Variants in PTPRT observed in about 807,000 individuals in gnomAD.
The protein encoded by PTPRT is receptor-type tyrosine-protein phosphatase T.
In PTPRT, 56 loss-of-function variants were observed where a neutral mutation model predicts 176.8. The observed-to-expected ratio is 0.32, with a 90% CI of 0.26 to 0.40. The LOEUF (loss-of-function observed/expected upper bound fraction) is 0.40. PTPRT is among the 10% of genes least tolerant of loss of function. The probability of loss-of-function intolerance (pLI) is 1.00; values close to 1 mark genes in which losing one functional copy is unlikely to be tolerated. For missense variants in PTPRT, 1,540 were observed against 1,908.2 expected (o/e 0.81, Z 3.60); for synonymous variants, 783 against 739.0 (o/e 1.06, Z -0.96).
At chr20:42,993,508 A>ATGTG in intron 1 of PTPRT, among the ~76,000 whole-genome samples, 1 of 113,022 alleles carries the variant, frequency 8.8e-6, no homozygotes, top group South Asian at 2.3e-4. Flanking sequence ...ATACACATAT[A>ATGTG]TGTGTGTGTA....
chr20:42,975,950 TTAGA>T (rs1399950314), intron 1 of PTPRT, among the ~76,000 whole-genome samples: 2 of 151,812 alleles, frequency 1.3e-5, no homozygotes, highest in Non-Finnish European at 2.9e-5. Flanking sequence ...AGAGAACATC[TTAGA>T]TAGGGTCATG....
chr20:42,239,207 G>A (rs1446553887), intron 14 of PTPRT, among the ~76,000 whole-genome samples: 2 of 152,024 alleles, frequency 1.3e-5, no homozygotes, highest in African/African-American at 2.4e-5. Flanking sequence ...TACTTATTCA[G>A]CACTTACTGT....
chr20:42,524,971 T>C (rs1471415848), intron 7 of PTPRT, among the ~76,000 whole-genome samples: 1 of 152,176 alleles, frequency 6.6e-6, no homozygotes, highest in African/African-American at 2.4e-5. Flanking sequence ...TCCTCAACAT[T>C]TGGTGTTCTC....
intron 1 of PTPRT, among the ~76,000 whole-genome samples, chr20:43,155,547 G>A (rs1241153110): frequency 6.6e-6 from 1 of 152,160 alleles, no homozygotes; most frequent in Non-Finnish European, 1.5e-5. Context: ...GAGAGGATGG[G>A]GGATGGTGGC....
intron 1 of PTPRT, among the ~76,000 whole-genome samples, chr20:42,967,349 C>T (rs141856356): frequency 1.3e-5 from 2 of 152,178 alleles, no homozygotes; most frequent in African/African-American, 4.8e-5. Context: ...CCAAGGTGGG[C>T]CCTAAATCCA....
At chr20:42,511,185 A>T (rs1234260553) in intron 7 of PTPRT, among the ~76,000 whole-genome samples, 1 of 152,130 alleles carries the variant, frequency 6.6e-6, no homozygotes, top group East Asian at 1.9e-4. Flanking sequence ...TACCCTCTGA[A>T]CCTCAGACTT....
At chr20:42,348,043 T>A (rs951257047) in intron 11 of PTPRT, among the ~76,000 whole-genome samples, 3 of 152,214 alleles carry the variant, frequency 2.0e-5, no homozygotes, top group African/African-American at 7.2e-5. Context: ...CTAAACATAC[T>A]AAGTGTTCAA....
In PTPRT at chr20:42,078,622, C is replaced by T. The variant is rs1170078876; in HGVS notation, c.*2257G>A. 5.5e-6 allele frequency: 1 copy of T among 182,280 alleles called. No individual in the cohort carries two copies. Among genetic ancestry groups the T allele is most frequent in the African/African-American group, 2.4e-5 (1 of 42,460 alleles). 11.3% of individuals were successfully genotyped at this position (182,280 alleles called of 1,614,324 possible). A position where few individuals can be genotyped will look rare whatever the true frequency, so the allele number is the denominator to read the frequency against. On this transcript the variant is annotated 3_prime_UTR_variant, in exon 31 of 31. Coordinates refer to ENST00000373187, the MANE Select transcript of PTPRT (RefSeq NM_007050.6). ...CTAAAGCTCCATGGACTCCTTGTTG[C>T]CAATAGGACAAAGTCTGTACTCGCG...
chr20:42,086,324 T>C (rs909307038), intron 27 of PTPRT, among the ~76,000 whole-genome samples: 6 of 152,166 alleles, frequency 3.9e-5, no homozygotes, highest in African/African-American at 1.4e-4. Flanking sequence ...GTTTCCCCTT[T>C]AGGGAGCAGC....
intron 9 of PTPRT, among the ~76,000 whole-genome samples, chr20:42,360,856 G>A (rs937687633): frequency 6.6e-6 from 1 of 152,172 alleles, no homozygotes; most frequent in Admixed American, 6.5e-5. Context: ...CTTCATTAAG[G>A]GCAAAGCCTA....
chr20:42,511,905 A>T (rs1448336925), intron 7 of PTPRT, among the ~76,000 whole-genome samples: 1 of 152,098 alleles, frequency 6.6e-6, no homozygotes, highest in East Asian at 1.9e-4. Context: ...TAGAACGTAT[A>T]GTGTGTACAT....
In PTPRT at chr20:42,156,449, T is replaced by C. The variant is rs551862301; in HGVS notation, c.2682+4903A>G. Reference sequence around the variant, plus strand: ...CTTGCTTGGTGACCTCACCCAGTCTTGTGGCTTTAATCATCTATAGGCCAA... The same window carrying C: ...CTTGCTTGGTGACCTCACCCAGTCTCGTGGCTTTAATCATCTATAGGCCAA... On this transcript the variant is annotated intron_variant, in intron 17 of 30. Coordinates refer to ENST00000373187, the MANE Select transcript of PTPRT (RefSeq NM_007050.6). 1.3e-3 allele frequency among the ~76,000 whole-genome samples: 197 copies of C among 152,358 alleles called. 2 individuals are homozygous for C. Among genetic ancestry groups the C allele is most frequent in the South Asian group, 6.2e-4 (3 of 4,826 alleles).
chr20:43,075,376 G>A (rs2011248610), intron 1 of PTPRT, among the ~76,000 whole-genome samples: 1 of 152,260 alleles, frequency 6.6e-6, no homozygotes, highest in South Asian at 2.1e-4. Flanking sequence ...CGAGAGCTCC[G>A]CAGAGCGCTG....
rs943637697 is a variant in PTPRT, at chr20:42,098,490, G to A, written c.3777C>T (p.Asp1259=). The A allele has an allele frequency of 3.1e-6, 5 of 1,614,094 alleles. No homozygotes were observed. The highest frequency in any genetic ancestry group is 4.2e-6 in the Non-Finnish European group (5 of 1,180,046). Residue 1259 remains aspartate, a synonymous_variant, in exon 27 of 31, where the codon GAC becomes GAT. Coordinates refer to ENST00000373187, the MANE Select transcript of PTPRT (RefSeq NM_007050.6). The stretch of plus-strand genomic sequence containing the variant: ...TGTAATCGAACACCAGCCTCCAGAA[G>A]TCTGCCACGGTGTTGGGTAGAGGGT... ...TQHPLPNTVA[D]FWRLVFDYNC...
At chr20:42,222,375 C>A (rs1388994686) in intron 15 of PTPRT, among the ~76,000 whole-genome samples, 1 of 152,196 alleles carries the variant, frequency 6.6e-6, no homozygotes, top group African/African-American at 2.4e-5. Context: ...TGGTTTATAA[C>A]TCCCATATTC....
In PTPRT at chr20:42,499,583, C is replaced by A. The variant is rs58269569; in HGVS notation, c.1154-27021G>T. 8.7e-3 allele frequency among the ~76,000 whole-genome samples: 1,318 copies of A among 152,218 alleles called. 18 individuals carry two copies. The highest frequency in any genetic ancestry group is 0.031 in the African/African-American group (1,276 of 41,544). ...GGGATTACAGGCGTGAGCCACCATG[C>A]CTGGCCAATTTTAACTTTTTAATAA... On this transcript the variant is annotated intron_variant, in intron 7 of 30. Transcript: ENST00000373187.
chr20:43,114,170 C>T (rs1402895122), intron 1 of PTPRT, among the ~76,000 whole-genome samples: 1 of 152,184 alleles, frequency 6.6e-6, no homozygotes, highest in Non-Finnish European at 1.5e-5. Flanking sequence ...TAAGATCTAA[C>T]ATGAGATAAG....
intron 1 of PTPRT, among the ~76,000 whole-genome samples, chr20:43,020,853 C>A (rs1985641981): frequency 6.6e-6 from 1 of 152,102 alleles, no homozygotes; most frequent in African/African-American, 2.4e-5. Flanking sequence ...CAGAAAGATC[C>A]TATTAAGGAT....
chr20:43,041,668 C>A (rs1392146016), intron 1 of PTPRT, among the ~76,000 whole-genome samples: 1 of 152,218 alleles, frequency 6.6e-6, no homozygotes, highest in African/African-American at 2.4e-5. Context: ...CTATGGTGAG[C>A]AAATGTGGTG....
Sources: allele counts gnomAD v4.1 joint callset (sites outside exome capture counted in the v4.1 genomes callset), GRCh38; gene constraint gnomAD v4.1.1; transcripts MANE v1.5; gene names NCBI Gene and HGNC (gene_info 2026-07-23, HGNC 2026-07-21).